ZNF577: variants seen among roughly 807,000 people sequenced by gnomAD.
ZNF577 encodes the protein zinc finger protein 577.
Under a neutral mutation model 13.9 loss-of-function variants are expected in ZNF577, and 14 were observed. That is an observed-to-expected ratio of 1.00 (90% CI 0.66 to 1.57). The LOEUF (loss-of-function observed/expected upper bound fraction) is 1.57. ZNF577 is among the 40% of genes most tolerant of loss of function. The pLI is 0.00. For missense variants in ZNF577, 555 were observed against 579.2 expected, an observed-to-expected ratio of 0.96 and a Z score of 0.43; for synonymous variants, 203 against 202.9, an observed-to-expected ratio of 1.00 and a Z score of 0.00.
chr19:51,873,544 T>G lies in ZNF577; in HGVS notation c.446A>C (p.Gln149Pro), dbSNP rs1352369912. Residue 149 changes from glutamine (Q) to proline (P), a missense_variant, in exon 6 of 6, where the codon CAA (glutamine) becomes CCA (proline). Transcript: ENST00000638348. ...SSPKSQLNDL[Q>P]KICAGGKPHE... ...TGGTTTCCCTCCTGCACAAATTTTTTGTAGGTCATTGAGCTGTGATTTAGG... is the reference window on the plus strand; with the variant it reads ...TGGTTTCCCTCCTGCACAAATTTTTGGTAGGTCATTGAGCTGTGATTTAGG... 6.2e-7 allele frequency: 1 copy of G among 1,614,104 alleles called. No individual in the cohort carries two copies. The highest frequency in any genetic ancestry group is 1.3e-5 in the African/African-American group (1 of 74,930).
In ZNF577 at chr19:51,869,179, TTGAGA is replaced by T. The variant is rs1302557341; in HGVS notation, c.*3348_*3352del. The stretch of plus-strand genomic sequence containing the variant: ...GTGAAAGAGGAAGGCCTCTTTGCAG[TTGAGA>T]TAAGAGGAAGGCATCTGTCTCTTGC... On this transcript the variant is annotated 3_prime_UTR_variant, in exon 6 of 6. Transcript: ENST00000638348. 2.6e-5 allele frequency among the ~76,000 whole-genome samples: 4 copies of T among 152,172 alleles called. No homozygotes were observed. The highest frequency in any genetic ancestry group is 5.9e-5 in the Non-Finnish European group (4 of 68,028).
At chr19:51,866,966 TAAG>T (rs1475625861), downstream of ZNF577, among the ~76,000 whole-genome samples, 1 of 146,372 alleles carries the variant, frequency 6.8e-6, no homozygotes, top group African/African-American at 2.6e-5. Context: ...CAGAGTGAGA[TAAG>T]AAGAAAGAAA....
At chr19:51,883,630 A>G (rs2084898730) in intron 1 of ZNF577, among the ~76,000 whole-genome samples, 1 of 151,934 alleles carries the variant, frequency 6.6e-6, no homozygotes, top group Non-Finnish European at 1.5e-5. Context: ...AAAAAGGGGG[A>G]GCTGTTATAG....
chr19:51,807,156 C>T (rs1377778951), intron 10 of ZNF577, among the ~76,000 whole-genome samples: 1 of 152,106 alleles, frequency 6.6e-6, no homozygotes, highest in East Asian at 1.9e-4. Context: ...CTCTAGTGGA[C>T]AATGGCCCTG....
rs1238313849 is a variant in ZNF577, at chr19:51,887,434, G to A, written c.-832C>T. The A allele has an allele frequency of 1.3e-5, 2 of 152,154 alleles. No individual in the cohort carries two copies. Among genetic ancestry groups the A allele is most frequent in the Non-Finnish European group, 2.9e-5 (2 of 68,036 alleles). 9.4% of individuals were successfully genotyped at this position (152,154 alleles called of 1,614,324 possible). On this transcript the variant is annotated 5_prime_UTR_variant, in exon 1 of 6. Transcript: ENST00000638348. Reference sequence around the variant, plus strand: ...TTTCTGGAGGAGTATTTAAAATGATGGGGATGTTATTACTTGGGTCGCAAT... The same window carrying A: ...TTTCTGGAGGAGTATTTAAAATGATAGGGATGTTATTACTTGGGTCGCAAT...
chr19:51,886,413 G>A (rs537903440), intron 1 of ZNF577: 2 of 152,158 alleles, frequency 1.3e-5, no homozygotes, highest in African/African-American at 2.4e-5. Flanking sequence ...GGATTATTCC[G>A]AAGCTAATCC....
At chr19:51,828,076 T>C (rs1031927413) in intron 9 of ZNF577, among the ~76,000 whole-genome samples, 27 of 151,784 alleles carry the variant, frequency 1.8e-4, no homozygotes, top group African/African-American at 6.3e-4. Context: ...CCATAGAAAA[T>C]AAGGAACAAG....
In ZNF577 at chr19:51,824,357, C is replaced by T; in HGVS notation, c.*600-12683G>A. ...TTACCATGGCCAAGGTCTTTCTGAT[C>T]CTCCACTTCATTATTGGCTTCAGCG... On this transcript the variant is annotated intron_variant and NMD_transcript_variant, in intron 9 of 10. Coordinates refer to the ZNF577 transcript ENST00000638827. The surrounding 1 kb of genome is among the most constrained non-coding windows in gnomAD (Gnocchi z 4.7). The T allele has an allele frequency of 6.2e-7, 1 of 1,614,100 alleles. No individual in the cohort carries two copies. Among genetic ancestry groups the T allele is most frequent in the South Asian group, 1.1e-5 (1 of 91,082 alleles).
intron 8 of ZNF577, chr19:51,840,756 G>A (rs2084315776): frequency 6.6e-6 from 1 of 152,106 alleles, no homozygotes; most frequent in Admixed American, 6.5e-5. Context: ...ATACAAGGAT[G>A]TTTTATCCCT....
intron 6 of ZNF577, among the ~76,000 whole-genome samples, chr19:51,844,019 C>T (rs1055174487): frequency 5.4e-5 from 8 of 148,670 alleles, no homozygotes; most frequent in African/African-American, 1.7e-4. Flanking sequence ...AAAGGGTACA[C>T]ATTTCCTTAA....
downstream of ZNF577, chr19:51,862,655 T>C (rs1296227170): frequency 2.0e-5 from 3 of 152,300 alleles, no homozygotes; most frequent in Non-Finnish European, 4.4e-5. Context: ...CCATAGAATT[T>C]TCCTTTTCTA....
chr19:51,808,277 T>G (rs2084073736), intron 10 of ZNF577, among the ~76,000 whole-genome samples: 1 of 152,244 alleles, frequency 6.6e-6, no homozygotes, highest in Admixed American at 6.5e-5. Flanking sequence ...TATGGAGAAC[T>G]ACTTTCTGAG....
intron 9 of ZNF577, among the ~76,000 whole-genome samples, chr19:51,838,162 T>C (rs961743357): frequency 2.6e-5 from 4 of 152,206 alleles, no homozygotes; most frequent in Non-Finnish European, 4.4e-5. Context: ...AGAGAACAAA[T>C]ACAAATATTA....
chr19:51,812,084 A>G (rs183833037), intron 9 of ZNF577, among the ~76,000 whole-genome samples: 10 of 152,322 alleles, frequency 6.6e-5, no homozygotes, highest in Admixed American at 2.6e-4. Flanking sequence ...AAAATAGCCT[A>G]TGTTGGAGGT....
In ZNF577 at chr19:51,871,114, C is replaced by CT. The variant is rs1041091734; in HGVS notation, c.*1417dup. On this transcript the variant is annotated 3_prime_UTR_variant, in exon 6 of 6. Coordinates refer to ENST00000638348, the MANE Select transcript of ZNF577 (RefSeq NM_001370449.1). Reference sequence around the variant, plus strand: ...GAAGTATGTTAGTTTCTTTTCCCCCCTTTTTTAGAGTCAGAGTCTTATTCT... The same window carrying CT: ...GAAGTATGTTAGTTTCTTTTCCCCCCTTTTTTTAGAGTCAGAGTCTTATTCT... 5.3e-5 allele frequency among the ~76,000 whole-genome samples: 8 copies of CT among 151,874 alleles called. No homozygotes were observed. The highest frequency in any genetic ancestry group is 2.9e-5 in the Non-Finnish European group (2 of 67,918).
At chr19:51,851,411 T>C (rs1198870512) in intron 5 of ZNF577, among the ~76,000 whole-genome samples, 1 of 152,154 alleles carries the variant, frequency 6.6e-6, no homozygotes, top group African/African-American at 2.4e-5. Flanking sequence ...GATACACACA[T>C]ACAAATATAC....
intron 9 of ZNF577, among the ~76,000 whole-genome samples, chr19:51,818,415 T>C (rs141684055): frequency 1.2e-3 from 176 of 152,284 alleles, no homozygotes; most frequent in South Asian, 2.7e-3. Context: ...CATTGGACAG[T>C]GCTATGCTAG....
chr19:51,831,727 G>A (rs2084262150), intron 9 of ZNF577, among the ~76,000 whole-genome samples: 1 of 152,020 alleles, frequency 6.6e-6, no homozygotes, highest in African/African-American at 2.4e-5. Context: ...GACTCCCAAA[G>A]CCTCATATTA....
chr19:51,808,712 C>T lies in ZNF577; in HGVS notation c.*817+2745G>A, dbSNP rs568644461. 5.9e-5 allele frequency among the ~76,000 whole-genome samples: 9 copies of T among 152,284 alleles called. No homozygotes were observed. In the East Asian group the frequency reaches 1.5e-3, roughly 26 times the overall value. On this transcript the variant is annotated intron_variant and NMD_transcript_variant, in intron 10 of 10. Transcript: ENST00000638827. Reference sequence around the variant, plus strand: ...CAAGAGGCCAGTCTCTTGGAATAGCCGCTGGAGATGGTGAAAGTTTTTGTA... The same window carrying T: ...CAAGAGGCCAGTCTCTTGGAATAGCTGCTGGAGATGGTGAAAGTTTTTGTA...
Sources: gnomAD v4.1 joint callset for allele counts (sites outside exome capture counted in the v4.1 genomes callset) on GRCh38, gnomAD v4.1.1 for gene constraint, Gnocchi (gnomAD v3.1) non-coding constraint, MANE v1.5 for transcripts, NCBI Gene and HGNC (gene_info 2026-07-23, HGNC 2026-07-21) for gene names.